The following DIAPH2 variants were observed in gnomAD, a reference collection of about 807,000 sequenced individuals.
DIAPH2 encodes the protein diaphanous related formin 2, also known as protein diaphanous homolog 2.
A neutral mutation model predicts 92.7 loss-of-function variants in DIAPH2; 35 were observed. The observed-to-expected ratio is 0.38, with a 90% confidence interval of 0.29 to 0.50. The LOEUF (loss-of-function observed/expected upper bound fraction) is 0.50, where lower values mean the gene tolerates loss of function less well. DIAPH2 is among the 20% of genes least tolerant of loss of function. DIAPH2 has a pLI of 0.94. For missense variants in DIAPH2, 701 were observed against 819.5 expected (o/e 0.86, Z 1.77); for synonymous variants, 301 against 280.4 (o/e 1.07, Z -0.73).
chrX:97,011,257 C>A (rs1209455149), intron 17 of DIAPH2, among the ~76,000 whole-genome samples: 3 of 112,040 alleles, frequency 2.7e-5, no homozygotes. Context: ...ACTTCATAGT[C>A]CTTTAAATTC....
At chrX:97,467,769 A>G (rs1161126323) in intron 26 of DIAPH2, among the ~76,000 whole-genome samples, 2 of 112,342 alleles carry the variant, frequency 1.8e-5, no homozygotes, top group African/African-American at 6.5e-5. Context: ...AGCAGAGACC[A>G]TGGGGATACA....
At chrX:96,965,521 G>A (rs1179836975) in intron 17 of DIAPH2, among the ~76,000 whole-genome samples, 9 of 111,262 alleles carry the variant, frequency 8.1e-5, no homozygotes, top group Non-Finnish European at 1.5e-4. Flanking sequence ...AGATGAATCC[G>A]TTGATTCATC....
At chrX:96,700,930 T>C (rs2063851672) in intron 1 of DIAPH2, among the ~76,000 whole-genome samples, 1 of 112,411 alleles carries the variant, frequency 8.9e-6, no homozygotes, top group South Asian at 3.7e-4. Flanking sequence ...AGGGCTACTA[T>C]TAGGCACCTA....
intron 26 of DIAPH2, chrX:97,555,335 G>T: frequency 5.3e-6 from 2 of 380,510 alleles, no homozygotes; most frequent in South Asian, 2.6e-4. Context: ...CTGCAAACTA[G>T]GTCTGCATTC....
chrX:97,274,214 TAAG>T (rs1300487217), intron 23 of DIAPH2, among the ~76,000 whole-genome samples: 3 of 111,192 alleles, frequency 2.7e-5, no homozygotes, highest in African/African-American at 9.8e-5. Context: ...GTTTTGGTTA[TAAG>T]AAACATAACT....
chrX:96,969,602 C>CATAAAAAATTT (rs2065915217), intron 17 of DIAPH2, among the ~76,000 whole-genome samples: 1 of 110,841 alleles, frequency 9.0e-6, no homozygotes, highest in Admixed American at 9.6e-5. Context: ...TGAAACTTTA[C>CATAAAAAATTT]TGAAATTTTT....
At chrX:96,797,423 G>C (rs1350887051) in intron 4 of DIAPH2, among the ~76,000 whole-genome samples, 1 of 112,152 alleles carries the variant, frequency 8.9e-6, no homozygotes, top group Non-Finnish European at 1.9e-5. Context: ...AGAGGTTGCA[G>C]TGAGCAGAGA....
chrX:96,900,288 G>C (rs1459745751), intron 5 of DIAPH2, among the ~76,000 whole-genome samples: 1 of 111,163 alleles, frequency 9.0e-6, no homozygotes, highest in Non-Finnish European at 1.9e-5. Flanking sequence ...TTGACTGTCT[G>C]CTTGGTGCCA....
rs1556243082 is a variant in DIAPH2, at chrX:97,570,127, A to ATAGAT, written c.3242-29126_3242-29125insTAGAT. ...ATATATATATATATATATATATTAG[A>ATAGAT]AGATAGATAGATAGATAGATAGATA... On this transcript the variant is annotated intron_variant, in intron 26 of 26. Transcript: ENST00000324765. Among the ~76,000 whole-genome samples the ATAGAT allele has an allele frequency of 1.9e-3, 51 of 27,328 alleles. 3 individuals carry two copies. The highest frequency in any genetic ancestry group is 6.9e-3 in the African/African-American group (50 of 7,219). The allele number at this position is 27,328 out of a possible 115,157, so 23.7% of individuals were successfully genotyped here. A position where few individuals can be genotyped will look rare whatever the true frequency, so the allele number is the denominator to read the frequency against.
chrX:96,954,222 GT>G (rs752671266), intron 15 of DIAPH2: 1 of 111,754 alleles, frequency 8.9e-6, no homozygotes, highest in Non-Finnish European at 1.9e-5. Context: ...AGTTTTAAAC[GT>G]TTCATTCTGT....
chrX:96,942,399 A>T (rs2147804458), intron 13 of DIAPH2, among the ~76,000 whole-genome samples: 1 of 111,137 alleles, frequency 9.0e-6, no homozygotes, highest in East Asian at 2.8e-4. Flanking sequence ...TTAGTGTTCC[A>T]CAAAAACCCA....
At position 97,064,789 on chromosome X, in the gene DIAPH2, A is replaced by C. The variant is rs1326333163; in HGVS notation, c.2051-8152A>C. On this transcript the variant is annotated intron_variant, in intron 17 of 26. Coordinates refer to ENST00000324765, the MANE Select transcript of DIAPH2 (RefSeq NM_006729.5). ...GGGGTTATGCTCAGCATCTCCACGG[A>C]AGTTTTTTATCTCAAATTATTTAGT... Among the ~76,000 whole-genome samples the C allele has an allele frequency of 8.2e-5, 9 of 109,460 alleles. No individual in the cohort carries two copies. The Admixed American group carries it at 8.8e-4, about 11-fold the overall frequency.
chrX:97,300,972 GAA>G (rs2068697576), intron 23 of DIAPH2, among the ~76,000 whole-genome samples: 1 of 38,716 alleles, frequency 2.6e-5, no homozygotes, highest in Non-Finnish European at 4.7e-5. Flanking sequence ...AAAAGAAGAA[GAA>G]GAATGTCTCC....
intron 26 of DIAPH2, among the ~76,000 whole-genome samples, chrX:97,592,821 T>G (rs1260253709): frequency 8.9e-6 from 1 of 112,009 alleles, no homozygotes; most frequent in Non-Finnish European, 1.9e-5. Flanking sequence ...TGAACTATTT[T>G]AACATTATTG....
At position 97,532,963 on chromosome X, in the gene DIAPH2, T is replaced by C. The variant is rs748920185; in HGVS notation, c.3242-66290T>C. On this transcript the variant is annotated intron_variant, in intron 26 of 26. Transcript: ENST00000324765. The stretch of plus-strand genomic sequence containing the variant: ...AAATTTAATCTTAGTGGATAAGGTA[T>C]CTGAATTGGGTTCCCAAAACTCATC... Among the ~76,000 whole-genome samples, 4 of 111,309 alleles carry C rather than the reference T, an allele frequency of 3.6e-5. No homozygotes were observed. The East Asian group carries it at 1.1e-3, about 31-fold the overall frequency.
intron 23 of DIAPH2, among the ~76,000 whole-genome samples, chrX:97,265,543 G>A (rs11796806): frequency 0.42 from 46,950 of 110,703 alleles, 8,610 homozygotes; most frequent in Non-Finnish European, 0.58. Context: ...TTTTTGTCGT[G>A]GTGACGTTTG....
intron 26 of DIAPH2, among the ~76,000 whole-genome samples, chrX:97,430,352 A>G (rs917215640): frequency 3.6e-5 from 4 of 112,637 alleles, no homozygotes; most frequent in Non-Finnish European, 7.5e-5. Context: ...CCCTCACCCA[A>G]GTGAACTGGA....
intron 4 of DIAPH2, among the ~76,000 whole-genome samples, chrX:96,837,646 G>A (rs1047691168): frequency 1.8e-5 from 2 of 111,286 alleles, no homozygotes; most frequent in Non-Finnish European, 3.8e-5. Flanking sequence ...AGTTTTGATT[G>A]TATCATTGTA....
intron 19 of DIAPH2, among the ~76,000 whole-genome samples, chrX:97,085,943 G>A (rs898234122): frequency 9.0e-6 from 1 of 111,530 alleles, no homozygotes; most frequent in African/African-American, 3.3e-5. Flanking sequence ...AGCAGGCAAA[G>A]GGGAGAGTTG....
Sources: gnomAD v4.1 joint callset for allele counts (sites outside exome capture counted in the v4.1 genomes callset) on GRCh38, gnomAD v4.1.1 for gene constraint, MANE v1.5 for transcripts, NCBI Gene and HGNC (gene_info 2026-07-23, HGNC 2026-07-21) for gene names.